KCNN2: variants seen among roughly 807,000 people sequenced by gnomAD.
KCNN2 encodes small conductance calcium-activated potassium channel protein 2.
A neutral mutation model predicts 55.5 loss-of-function variants in KCNN2; 24 were observed. That is an observed-to-expected ratio of 0.43 (90% confidence interval 0.31 to 0.61). The LOEUF (loss-of-function observed/expected upper bound fraction) is 0.61, where lower values mean the gene tolerates loss of function less well. Ranked by LOEUF, KCNN2 falls within the 20% of genes least tolerant of loss-of-function variation. KCNN2 has a pLI of 0.08. For missense variants in KCNN2, 754 were observed against 853.6 expected, an observed-to-expected ratio of 0.88 and a Z score of 1.45; for synonymous variants, 431 against 336.1, an observed-to-expected ratio of 1.28 and a Z score of -3.09.
At chr5:114,136,256 G>T (rs1488500840) in intron 1 of KCNN2, among the ~76,000 whole-genome samples, 1 of 152,152 alleles carries the variant, frequency 6.6e-6, no homozygotes, top group Non-Finnish European at 1.5e-5. Flanking sequence ...TGGGAGTGGG[G>T]TTGCTATATC....
intron 2 of KCNN2, among the ~76,000 whole-genome samples, chr5:114,382,517 G>T (rs1758155248): frequency 6.6e-6 from 1 of 152,088 alleles, no homozygotes; most frequent in Non-Finnish European, 1.5e-5. Flanking sequence ...TTTATGTTTT[G>T]TGTGCCATGT....
In KCNN2 at chr5:114,146,841, G is replaced by A. The variant is rs1752409140; in HGVS notation, c.-270-74639G>A. On this transcript the variant is annotated intron_variant, in intron 1 of 10. Coordinates refer to the KCNN2 transcript ENST00000512097. ...AATATCAACTTTATGATTACCACTG[G>A]ATAAAGGTCCAGGCAAATTAGTATG... Among the ~76,000 whole-genome samples, 3 of 152,168 alleles carry A rather than the reference G, an allele frequency of 2.0e-5. No homozygotes were observed. In the South Asian group the frequency reaches 6.2e-4, roughly 31 times the overall value.
intron 3 of KCNN2, among the ~76,000 whole-genome samples, chr5:114,450,569 C>A (rs1760627977): frequency 6.6e-6 from 1 of 152,140 alleles, no homozygotes; most frequent in Non-Finnish European, 1.5e-5. Context: ...GAATATAATT[C>A]TCTTCAGGCG....
chr5:114,312,430 CACACATATAT>C (rs1274043881), intron 2 of KCNN2, among the ~76,000 whole-genome samples: 10 of 21,756 alleles, frequency 4.6e-4, no homozygotes, highest in Non-Finnish European at 3.1e-4. Flanking sequence ...CACACACACA[CACACATATAT>C]ATATATATAT....
intron 2 of KCNN2, among the ~76,000 whole-genome samples, chr5:114,346,937 G>A (rs189236333): frequency 6.6e-6 from 1 of 152,266 alleles, no homozygotes; most frequent in East Asian, 1.9e-4. Flanking sequence ...CAACCTGAAG[G>A]AGCTTTTAAT....
intron 1 of KCNN2, among the ~76,000 whole-genome samples, chr5:114,203,971 G>A (rs79368466): frequency 6.6e-6 from 1 of 152,230 alleles, no homozygotes; most frequent in East Asian, 1.9e-4. Flanking sequence ...ATGAATCCCT[G>A]ATTTCATTCA....
intron 1 of KCNN2, among the ~76,000 whole-genome samples, chr5:114,156,281 G>C (rs13170566): frequency 6.6e-6 from 1 of 152,238 alleles, no homozygotes; most frequent in African/African-American, 2.4e-5. Context: ...TTTGGTTACT[G>C]TAGCCCTGTA....
Position 114,145,750 on chromosome 5 carries a change from A to G in KCNN2, c.-270-75730A>G, listed in dbSNP as rs549537263. On this transcript the variant is annotated intron_variant, in intron 1 of 10. Coordinates refer to the KCNN2 transcript ENST00000512097. Reference sequence around the variant, plus strand: ...CAAATAAGAGGAGGAAAAGGAATATAGGCCCAATATGTATAGTTTTTAACA... The same window carrying G: ...CAAATAAGAGGAGGAAAAGGAATATGGGCCCAATATGTATAGTTTTTAACA... Among the ~76,000 whole-genome samples the G allele has an allele frequency of 1.1e-4, 17 of 152,268 alleles. No individual in the cohort carries two copies. The East Asian group carries it at 2.9e-3, about 26-fold the overall frequency.
intron 1 of KCNN2, among the ~76,000 whole-genome samples, chr5:114,196,076 A>G (rs1012465357): frequency 1.3e-5 from 2 of 151,920 alleles, no homozygotes; most frequent in Non-Finnish European, 2.9e-5. Context: ...TTGTCTTGGC[A>G]CCCTTGTGAA....
chr5:114,396,298 G>A (rs538749808), intron 2 of KCNN2, among the ~76,000 whole-genome samples: 6 of 144,106 alleles, frequency 4.2e-5, no homozygotes, highest in Admixed American at 2.1e-4. Context: ...GTTTTCTTAA[G>A]GGAGACTAGG....
intron 2 of KCNN2, among the ~76,000 whole-genome samples, chr5:114,232,944 G>A (rs1349364286): frequency 2.6e-4 from 2 of 7,684 alleles, no homozygotes; most frequent in Non-Finnish European, 7.3e-4. Flanking sequence ...TTTTTGAGAC[G>A]GAGTCTCGCT....
At chr5:114,094,050 A>G (rs1229895180) in intron 1 of KCNN2, among the ~76,000 whole-genome samples, 2 of 152,218 alleles carry the variant, frequency 1.3e-5, no homozygotes, top group African/African-American at 2.4e-5. Context: ...GCCAAGTAAC[A>G]TGCTACTTAA....
At chr5:114,185,131 T>C (rs146101810) in intron 1 of KCNN2, among the ~76,000 whole-genome samples, 1 of 152,326 alleles carries the variant, frequency 6.6e-6, no homozygotes, top group Non-Finnish European at 1.5e-5. Flanking sequence ...TAGGTGATTC[T>C]GAAGTTAAAA....
intron 1 of KCNN2, among the ~76,000 whole-genome samples, chr5:114,169,999 A>G (rs951267056): frequency 2.0e-5 from 3 of 152,088 alleles, no homozygotes; most frequent in African/African-American, 7.2e-5. Context: ...CCTTCCTGCT[A>G]TTGTAAATGG....
chr5:114,244,561 C>G (rs1003531509), intron 2 of KCNN2, among the ~76,000 whole-genome samples: 7 of 151,280 alleles, frequency 4.6e-5, no homozygotes, highest in Non-Finnish European at 4.4e-5. Flanking sequence ...CGCGCCATTG[C>G]ACTCCAGCCT....
chr5:114,149,723 C>T (rs556848945), intron 1 of KCNN2, among the ~76,000 whole-genome samples: 4 of 152,300 alleles, frequency 2.6e-5, no homozygotes, highest in African/African-American at 7.2e-5. Context: ...AACAGAAACA[C>T]AGTCTTTCCA....
intron 2 of KCNN2, among the ~76,000 whole-genome samples, chr5:114,314,797 C>A (rs1188880866): frequency 2.0e-5 from 3 of 152,108 alleles, no homozygotes; most frequent in African/African-American, 7.2e-5. Context: ...TTGCACATTA[C>A]ACTTTGAAGC....
chr5:114,410,153 G>C (rs1304372173), intron 3 of KCNN2, among the ~76,000 whole-genome samples: 2 of 152,194 alleles, frequency 1.3e-5, no homozygotes, highest in African/African-American at 4.8e-5. Flanking sequence ...TGTATTAGGA[G>C]AAATTTCAGG....
At chr5:114,094,084 G>T (rs985438570) in intron 1 of KCNN2, among the ~76,000 whole-genome samples, 1 of 152,094 alleles carries the variant, frequency 6.6e-6, no homozygotes, top group Non-Finnish European at 1.5e-5. Flanking sequence ...TGTTTGTTTG[G>T]GTTGTTTTTT....
Sources: allele counts gnomAD v4.1 joint callset (sites outside exome capture counted in the v4.1 genomes callset), GRCh38; gene constraint gnomAD v4.1.1; transcripts MANE v1.5; gene names NCBI Gene and HGNC (gene_info 2026-07-23, HGNC 2026-07-21).